Variants in ING3 observed in about 807,000 individuals in gnomAD.
The protein encoded by ING3 is inhibitor of growth protein 3.
ING3 carries 6 observed loss-of-function variants against 64.8 expected under a neutral mutation model. The observed-to-expected ratio is 0.09, with a 90% CI of 0.05 to 0.18. The LOEUF (loss-of-function observed/expected upper bound fraction) is 0.18, where lower values mean the gene tolerates loss of function less well. Ranked by LOEUF, ING3 falls within the 10% of genes least tolerant of loss-of-function variation. The pLI, the probability that ING3 is intolerant of heterozygous loss-of-function variation, is 1.00. For synonymous variants in ING3, 170 were observed against 173.7 expected (o/e 0.98, Z 0.17); for missense variants, 310 against 489.7 (o/e 0.63, Z 3.46).
chr7:120,950,865 AC>A lies in ING3; in HGVS notation c.-27del, dbSNP rs1562970971. ...GCGAGTGACACAAATAAACCCCTGG[AC>A]CCCCTTGTTCCCTCAGCTCTAAGGG... On this transcript the variant is annotated 5_prime_UTR_variant, in exon 1 of 12. Coordinates refer to ENST00000315870, the MANE Select transcript of ING3 (RefSeq NM_019071.3). The A allele has an allele frequency of 1.9e-6, 3 of 1,607,104 alleles. No individual in the cohort carries two copies. The highest frequency in any genetic ancestry group is 2.2e-5 in the South Asian group (2 of 90,864).
In ING3 at chr7:120,974,909, A is replaced by G. The variant is rs1796115740; in HGVS notation, c.*65A>G. 2 of 1,099,016 alleles carry G rather than the reference A, an allele frequency of 1.8e-6. No individual in the cohort carries two copies. The highest frequency in any genetic ancestry group is 1.4e-5 in the South Asian group (1 of 69,454). 68.1% of individuals were successfully genotyped at this position (1,099,016 alleles called of 1,614,324 possible). Reference sequence around the variant, plus strand: ...GAAGATTTTATATAGGACTTTAAAAAGAAGAGAAGAGAAAGAAGAAACAAT... The same window carrying G: ...GAAGATTTTATATAGGACTTTAAAAGGAAGAGAAGAGAAAGAAGAAACAAT... On this transcript the variant is annotated 3_prime_UTR_variant, in exon 12 of 12. Transcript: ENST00000315870.
intron 9 of ING3, among the ~76,000 whole-genome samples, 194 bp downstream of exon 9, chr7:120,969,398 T>G (rs1796039235): frequency 6.6e-6 from 1 of 152,230 alleles, no homozygotes; most frequent in Admixed American, 6.5e-5. Flanking sequence ...GTGTTAGAGT[T>G]GTTTTTAATT....
Position 120,970,830 on chromosome 7 carries a change from G to T in ING3, c.1051G>T (p.Val351Phe). Residue 351 changes from valine (V) to phenylalanine (F), a missense_variant, in exon 10 of 12, where the codon GTT becomes TTT. Physicochemically the swap from Val to Phe is conservative, Grantham distance 50 (BLOSUM62 -1). Around this residue, in one of 3 missense-constraint regions of ING3, gnomAD observed 233 missense variants for 289.4 expected, o/e 0.81. Coordinates refer to ENST00000315870, the MANE Select transcript of ING3 (RefSeq NM_019071.3). Reference protein sequence around the residue: ...VVPESDSNSQVDWTYDPNEPR... With the variant: ...VVPESDSNSQFDWTYDPNEPR... ...GCCAGAATCTGATTCAAATAGTCAG[G>T]TTGATTGGACTTACGACCCAAATGA... 1 of 1,613,532 alleles carries T rather than the reference G, an allele frequency of 6.2e-7. No homozygotes were observed. Among genetic ancestry groups the T allele is most frequent in the South Asian group, 1.1e-5 (1 of 91,076 alleles).
intron 8 of ING3, 80 bp from the exon 9 acceptor site, chr7:120,968,931 A>G (rs895660255): frequency 2.2e-6 from 2 of 894,050 alleles, no homozygotes; most frequent in Non-Finnish European, 3.3e-6. Context: ...AAACCAAAAT[A>G]AAACTATAAT....
At chr7:120,965,286 C>G (rs1795982995) in intron 5 of ING3, among the ~76,000 whole-genome samples, 1 of 152,148 alleles carries the variant, frequency 6.6e-6, no homozygotes, top group Non-Finnish European at 1.5e-5. Flanking sequence ...GGTTTCATAA[C>G]ACTACCTCTT....
intron 9 of ING3, among the ~76,000 whole-genome samples, chr7:120,970,200 T>G (rs894423716): frequency 3.9e-5 from 6 of 152,116 alleles, no homozygotes; most frequent in African/African-American, 1.4e-4. Context: ...GCGGGGTGGC[T>G]CATGCCTATA....
intron 8 of ING3, among the ~76,000 whole-genome samples, chr7:120,968,738 C>T (rs76977208): frequency 4.7e-5 from 7 of 149,324 alleles, no homozygotes; most frequent in African/African-American, 1.5e-4. Context: ...CCCAGCTACT[C>T]GGTAGGCTAT....
At chr7:120,972,955 G>C (rs1029959537) in intron 10 of ING3, among the ~76,000 whole-genome samples, 10 of 152,040 alleles carry the variant, frequency 6.6e-5, no homozygotes, top group African/African-American at 2.2e-4. Context: ...TCCTTCATCC[G>C]GGTGATTTAT....
intron 10 of ING3, among the ~76,000 whole-genome samples, chr7:120,971,779 C>T (rs983449079): frequency 1.3e-5 from 2 of 151,974 alleles, no homozygotes; most frequent in Non-Finnish European, 2.9e-5. Flanking sequence ...TTTTATACAT[C>T]TAATTTCTTG....
intron 4 of ING3, among the ~76,000 whole-genome samples, chr7:120,964,034 G>A (rs2116674494): frequency 6.6e-6 from 1 of 152,054 alleles, no homozygotes; most frequent in African/African-American, 2.4e-5. Flanking sequence ...GACATTTTTT[G>A]TTAGTTTGAA....
intron 2 of ING3, among the ~76,000 whole-genome samples, chr7:120,951,532 A>T (rs373962748): frequency 3.9e-5 from 6 of 152,214 alleles, no homozygotes; most frequent in African/African-American, 1.4e-4. Context: ...CTATGTTTCA[A>T]TGGACGTCAG....
chr7:120,959,177 AT>A (rs1562973864), intron 4 of ING3, among the ~76,000 whole-genome samples: 1 of 152,064 alleles, frequency 6.6e-6, no homozygotes, highest in African/African-American at 2.4e-5. Context: ...CTTGACCTAC[AT>A]GGTTTCTTAC....
chr7:120,951,081 A>T, intron 1 of ING3, 83 bp from the exon 2 acceptor site: 1 of 1,544,716 alleles, frequency 6.5e-7, no homozygotes, highest in Non-Finnish European at 8.9e-7. Flanking sequence ...GGCCCCCTCG[A>T]CCCCCCTGAC....
chr7:120,973,081 C>A, intron 10 of ING3, 124 bp from the exon 11 acceptor site: 3 of 425,212 alleles, frequency 7.1e-6, no homozygotes, highest in Non-Finnish European at 1.4e-5. Flanking sequence ...CCTTGATTCT[C>A]AATGTAATTG....
At position 120,970,630 on chromosome 7, in the gene ING3, G is replaced by T. The variant is rs1178591286; in HGVS notation, c.909-58G>T. 9 of 1,536,444 alleles carry T rather than the reference G, an allele frequency of 5.9e-6. No homozygotes were observed. In the South Asian group the frequency reaches 1.0e-4, roughly 18 times the overall value. On this transcript the variant is annotated intron_variant, in intron 9 of 11. Coordinates refer to ENST00000315870, the MANE Select transcript of ING3 (RefSeq NM_019071.3). Reference sequence around the variant, plus strand: ...TTCATTTTATACTATTTATTTAGGAGTTATTCTCAGTTAACTTCTGGATGG... The same window carrying T: ...TTCATTTTATACTATTTATTTAGGATTTATTCTCAGTTAACTTCTGGATGG...
intron 4 of ING3, among the ~76,000 whole-genome samples, chr7:120,962,426 AGT>A (rs1377518223): frequency 2.0e-5 from 3 of 151,066 alleles, no homozygotes; most frequent in Admixed American, 6.6e-5. Context: ...TTTAGGTTCT[AGT>A]GCCTTTTCTG....
At chr7:120,964,480 G>GA (rs983433136) in intron 4 of ING3, among the ~76,000 whole-genome samples, 1 of 152,024 alleles carries the variant, frequency 6.6e-6, no homozygotes, top group Non-Finnish European at 1.5e-5. Flanking sequence ...CCTGACTTCT[G>GA]AAAATGGAGT....
chr7:120,950,962 G>C (rs898057003), intron 1 of ING3, 38 bp downstream of exon 1: 2 of 1,611,758 alleles, frequency 1.2e-6, no homozygotes, highest in Admixed American at 1.7e-5. Context: ...CCAGTGGGAC[G>C]TGCGGGCGGG....
At chr7:120,966,533 G>A in intron 5 of ING3, 93 bp from the exon 6 acceptor site, 1 of 932,946 alleles carries the variant, frequency 1.1e-6, no homozygotes, top group South Asian at 1.3e-5. Context: ...GTCCTCTGCT[G>A]GGTAAGGGAA....
Sources: allele counts gnomAD v4.1 joint callset (sites outside exome capture counted in the v4.1 genomes callset), GRCh38; gene constraint gnomAD v4.1.1; regional missense constraint gnomAD v4.1.1; transcripts MANE v1.5; gene names NCBI Gene and HGNC (gene_info 2026-07-23, HGNC 2026-07-21).